STXBP5L: variants seen among roughly 807,000 people sequenced by gnomAD.
The protein encoded by STXBP5L is syntaxin binding protein 5L.
Under a neutral mutation model 144.5 loss-of-function variants are expected in STXBP5L, and 65 were observed. The ratio of observed to expected loss-of-function variants is 0.45; its 90% CI spans 0.37 to 0.55. The LOEUF is 0.55. STXBP5L is among the 20% of genes least tolerant of loss of function. The pLI, the probability that STXBP5L is intolerant of heterozygous loss-of-function variation, is 0.00. For synonymous variants in STXBP5L, 505 were observed against 469.6 expected (o/e 1.08, Z -0.97); for missense variants, 1,298 against 1,405.5 (o/e 0.92, Z 1.22).
At chr3:121,141,768 A>T (rs2045516502) in intron 7 of STXBP5L, among the ~76,000 whole-genome samples, 1 of 152,136 alleles carries the variant, frequency 6.6e-6, no homozygotes, top group South Asian at 2.1e-4. Context: ...ATGCCTAAGA[A>T]GTTACACAAA....
intron 20 of STXBP5L, among the ~76,000 whole-genome samples, chr3:121,325,883 T>C (rs1160228438): frequency 2.0e-5 from 3 of 151,884 alleles, no homozygotes; most frequent in Non-Finnish European, 4.4e-5. Context: ...ATTCTATAGC[T>C]TTCCCAAGGT....
At chr3:121,095,204 C>T (rs899473280) in intron 5 of STXBP5L, among the ~76,000 whole-genome samples, 11 of 152,180 alleles carry the variant, frequency 7.2e-5, no homozygotes, top group Non-Finnish European at 1.0e-4. Context: ...ACCTCTCTCT[C>T]TGGCTGCCTT....
chr3:121,115,476 A>C (rs2044192366), intron 6 of STXBP5L, among the ~76,000 whole-genome samples: 1 of 152,138 alleles, frequency 6.6e-6, no homozygotes, highest in Non-Finnish European at 1.5e-5. Flanking sequence ...TTCAGGGCTC[A>C]AATATCTTTT....
At chr3:120,960,048 C>G (rs1334223530) in intron 3 of STXBP5L, among the ~76,000 whole-genome samples, 1 of 151,956 alleles carries the variant, frequency 6.6e-6, no homozygotes, top group African/African-American at 2.4e-5. Context: ...AGAACTCAAA[C>G]AAAAATTTAC....
At chr3:121,220,834 C>T (rs888662695) in intron 10 of STXBP5L, among the ~76,000 whole-genome samples, 1 of 151,938 alleles carries the variant, frequency 6.6e-6, no homozygotes. Flanking sequence ...CTGCATTAAT[C>T]CCAGATTATT....
At chr3:121,368,982 G>A (rs1415849767) in intron 20 of STXBP5L, among the ~76,000 whole-genome samples, 1 of 152,144 alleles carries the variant, frequency 6.6e-6, no homozygotes, top group East Asian at 1.9e-4. Context: ...TTCTTTGTTT[G>A]CACTTCTGTG....
intron 20 of STXBP5L, among the ~76,000 whole-genome samples, chr3:121,336,999 A>G (rs2044530242): frequency 6.6e-6 from 1 of 152,314 alleles, no homozygotes; most frequent in Non-Finnish European, 1.5e-5. Context: ...CGAATGCAGG[A>G]ACAGAAAACC....
intron 3 of STXBP5L, among the ~76,000 whole-genome samples, chr3:121,004,697 T>C (rs1390190448): frequency 6.6e-6 from 1 of 152,212 alleles, no homozygotes; most frequent in Non-Finnish European, 1.5e-5. Context: ...TTGTCATAGA[T>C]AGCTCTTCTT....
At chr3:121,179,126 G>C (rs1180625043) in intron 9 of STXBP5L, among the ~76,000 whole-genome samples, 1 of 151,878 alleles carries the variant, frequency 6.6e-6, no homozygotes, top group African/African-American at 2.4e-5. Context: ...CATCAACTGA[G>C]TAAATTAAAA....
chr3:121,158,997 T>C (rs2046218769), intron 9 of STXBP5L: 4 of 152,244 alleles, frequency 2.6e-5, no homozygotes, highest in South Asian at 2.1e-4. Context: ...TTATAACATA[T>C]AAAACAGGAA....
At chr3:121,089,717 T>C (rs571990357) in intron 5 of STXBP5L, among the ~76,000 whole-genome samples, 1 of 152,124 alleles carries the variant, frequency 6.6e-6, no homozygotes, top group East Asian at 1.9e-4. Context: ...ATATGATTGA[T>C]AGATCTATTG....
chr3:121,193,434 G>T lies in STXBP5L; in HGVS notation c.878-12489G>T, dbSNP rs199635871. 1.5e-5 allele frequency among the ~76,000 whole-genome samples: 2 copies of T among 135,286 alleles called. 1 individual carries two copies. Among genetic ancestry groups the T allele is most frequent in the African/African-American group, 5.5e-5 (2 of 36,446 alleles). The allele number at this position is 135,286 out of a possible 152,430, so 88.8% of individuals were successfully genotyped here. ...TGTGGTGATTCCTCATGGATCTAGA[G>T]CTAGAAATACCATTTGACCCAGCCA... On this transcript the variant is annotated intron_variant, in intron 9 of 26. Coordinates refer to ENST00000471454, the MANE Select transcript of STXBP5L (RefSeq NM_001308330.2).
In STXBP5L at chr3:121,114,853, A is replaced by T. The variant is rs2044162177; in HGVS notation, c.471-72A>T. On this transcript the variant is annotated intron_variant, in intron 5 of 26. Coordinates refer to ENST00000471454, the MANE Select transcript of STXBP5L (RefSeq NM_001308330.2). The stretch of plus-strand genomic sequence containing the variant: ...ATTTATATAGCTATCACTACATAAT[A>T]CATGTAAGGAAAATATAATGCTGAC... 24 of 1,056,930 alleles carry T rather than the reference A, an allele frequency of 2.3e-5. No individual in the cohort carries two copies. In the South Asian group the frequency reaches 4.7e-4, roughly 21 times the overall value. 65.5% of individuals were successfully genotyped at this position (1,056,930 alleles called of 1,614,324 possible). A position where few individuals can be genotyped will look rare whatever the true frequency, so the allele number is the denominator to read the frequency against.
chr3:121,156,916 T>C (rs1242824217), intron 8 of STXBP5L, among the ~76,000 whole-genome samples: 1 of 151,990 alleles, frequency 6.6e-6, no homozygotes, highest in Admixed American at 6.6e-5. Context: ...TTTTAGAATC[T>C]GAGGGAGTGT....
At chr3:121,236,072 T>C (rs541269304) in intron 12 of STXBP5L, among the ~76,000 whole-genome samples, 1 of 152,260 alleles carries the variant, frequency 6.6e-6, no homozygotes, top group South Asian at 2.1e-4. Flanking sequence ...ATGTTCTAAA[T>C]AGCTACAGGA....
chr3:121,041,563 G>C, intron 3 of STXBP5L, 137 bp from the exon 4 acceptor site: 1 of 619,878 alleles, frequency 1.6e-6, no homozygotes, highest in South Asian at 2.0e-5. Context: ...CATCTACTAA[G>C]AGTAAGATTT....
At position 121,061,091 on chromosome 3, in the gene STXBP5L, A is replaced by G. The variant is rs149635224; in HGVS notation, c.470+15556A>G. Among the ~76,000 whole-genome samples, 203 of 152,156 alleles carry G rather than the reference A, an allele frequency of 1.3e-3. 3 individuals carry two copies. The East Asian group carries it at 0.034, about 26-fold the overall frequency. On this transcript the variant is annotated intron_variant, in intron 5 of 26. Coordinates refer to ENST00000471454, the MANE Select transcript of STXBP5L (RefSeq NM_001308330.2). ...GGTATTGATTTTAGATCTTTCCCACATTCTCCTGTGGGCATTTAATGCTAT... is the reference window on the plus strand; with the variant it reads ...GGTATTGATTTTAGATCTTTCCCACGTTCTCCTGTGGGCATTTAATGCTAT...
At chr3:121,021,310 A>G (rs1201990372) in intron 3 of STXBP5L, among the ~76,000 whole-genome samples, 1 of 152,206 alleles carries the variant, frequency 6.6e-6, no homozygotes, top group Non-Finnish European at 1.5e-5. Flanking sequence ...CAGCAGAACA[A>G]TAATAGTGTG....
At chr3:120,920,779 A>G (rs369186282) in intron 2 of STXBP5L, among the ~76,000 whole-genome samples, 2 of 151,720 alleles carry the variant, frequency 1.3e-5, no homozygotes, top group East Asian at 3.9e-4. Context: ...ATTTAACATG[A>G]CTTCTCATTA....
Sources: gnomAD v4.1 joint callset for allele counts (sites outside exome capture counted in the v4.1 genomes callset) on GRCh38, gnomAD v4.1.1 for gene constraint, MANE v1.5 for transcripts, NCBI Gene and HGNC (gene_info 2026-07-23, HGNC 2026-07-21) for gene names.